MACROD2: variants seen among roughly 807,000 people sequenced by gnomAD.
MACROD2 encodes ADP-ribose glycohydrolase MACROD2.
In MACROD2, 36 loss-of-function variants were observed where a neutral mutation model predicts 70.4. The observed-to-expected ratio is 0.51, with a 90% CI of 0.39 to 0.68. MACROD2 has a LOEUF of 0.68. Ranked by LOEUF, MACROD2 falls within the 30% of genes least tolerant of loss-of-function variation. The pLI is 0.00. For missense variants in MACROD2, 496 were observed against 538.4 expected, an observed-to-expected ratio of 0.92 and a Z score of 0.78; for synonymous variants, 172 against 178.8, an observed-to-expected ratio of 0.96 and a Z score of 0.30.
chr20:14,307,886 C>T (rs2082534102), intron 3 of MACROD2, among the ~76,000 whole-genome samples: 1 of 152,020 alleles, frequency 6.6e-6, no homozygotes, highest in African/African-American at 2.4e-5. Flanking sequence ...GGTTATTTGT[C>T]ATGTCAGTTG....
intron 5 of MACROD2, among the ~76,000 whole-genome samples, chr20:14,875,687 CCA>C (rs1179168458): frequency 9.2e-5 from 14 of 152,128 alleles, no homozygotes; most frequent in African/African-American, 3.1e-4. Flanking sequence ...ATCTTTATGT[CCA>C]TGTGTGCCCA....
chr20:15,241,762 C>CAA (rs200361392), intron 6 of MACROD2, among the ~76,000 whole-genome samples: 1,125 of 92,572 alleles, frequency 0.012, 26 homozygotes, highest in South Asian at 0.1. Context: ...GTATTTCTCT[C>CAA]AAAAAAAAAA....
chr20:14,744,120 G>A (rs950168968), intron 5 of MACROD2, among the ~76,000 whole-genome samples: 1 of 152,120 alleles, frequency 6.6e-6, no homozygotes, highest in Non-Finnish European at 1.5e-5. Flanking sequence ...TAATAAATTC[G>A]TGTTGTTTTA....
intron 3 of MACROD2, among the ~76,000 whole-genome samples, chr20:14,288,056 A>T (rs2082358575): frequency 6.6e-6 from 1 of 151,994 alleles, no homozygotes; most frequent in Non-Finnish European, 1.5e-5. Context: ...AGAGGAAAGG[A>T]TTATACAAGG....
At chr20:15,027,668 A>G (rs1226797305) in intron 5 of MACROD2, among the ~76,000 whole-genome samples, 1 of 150,954 alleles carries the variant, frequency 6.6e-6, no homozygotes, top group Non-Finnish European at 1.5e-5. Context: ...GGAGCCCAGG[A>G]GTTCAATACC....
intron 8 of MACROD2, among the ~76,000 whole-genome samples, chr20:15,728,187 A>G (rs1487415860): frequency 6.6e-6 from 1 of 151,806 alleles, no homozygotes; most frequent in African/African-American, 2.4e-5. Context: ...AGTTTTGCTT[A>G]TGTAATGAAT....
rs73258717 is a variant in MACROD2, at chr20:14,556,638, T to C, written c.301+63130T>C. ...AATTTGATCCCGTCATTCCCATACATTGATACTGTTAGACTTGATGAGTTA... is the reference window on the plus strand; with the variant it reads ...AATTTGATCCCGTCATTCCCATACACTGATACTGTTAGACTTGATGAGTTA... On this transcript the variant is annotated intron_variant, in intron 4 of 17. Transcript: ENST00000684519. Among the ~76,000 whole-genome samples, 202 of 152,174 alleles carry C rather than the reference T, an allele frequency of 1.3e-3. 1 individual carries two copies. The highest frequency in any genetic ancestry group is 4.5e-3 in the African/African-American group (187 of 41,566).
intron 8 of MACROD2, among the ~76,000 whole-genome samples, chr20:15,557,982 T>G (rs533794099): frequency 1.3e-4 from 20 of 152,344 alleles, no homozygotes; most frequent in African/African-American, 4.8e-4. Context: ...AATGTGTGGC[T>G]ACTATATGTT....
intron 5 of MACROD2, among the ~76,000 whole-genome samples, chr20:15,015,475 GT>G (rs35022559): frequency 1.5e-3 from 206 of 138,494 alleles, no homozygotes; most frequent in Middle Eastern, 7.5e-3. Context: ...AACTATGTGT[GT>G]TTTTTTTTTT....
At chr20:14,489,975 C>T (rs2084776938) in intron 3 of MACROD2, among the ~76,000 whole-genome samples, 1 of 151,922 alleles carries the variant, frequency 6.6e-6, no homozygotes, top group Non-Finnish European at 1.5e-5. Context: ...ACTCTCCTGC[C>T]TCAGCCTCCC....
chr20:14,351,630 T>C (rs886960915), intron 3 of MACROD2, among the ~76,000 whole-genome samples: 2 of 152,170 alleles, frequency 1.3e-5, no homozygotes, highest in Non-Finnish European at 2.9e-5. Context: ...GTTCTAATAG[T>C]TTTTGGTGGA....
At chr20:14,355,522 G>C (rs2122705534) in intron 3 of MACROD2, among the ~76,000 whole-genome samples, 1 of 152,172 alleles carries the variant, frequency 6.6e-6, no homozygotes, top group South Asian at 2.1e-4. Flanking sequence ...ATAAAATACA[G>C]AATCAAGTTT....
chr20:14,915,837 G>A (rs116604471), intron 5 of MACROD2, among the ~76,000 whole-genome samples: 1,723 of 152,264 alleles, frequency 0.011, 30 homozygotes, highest in African/African-American at 0.039. Context: ...GTAGCTGCGA[G>A]TCATCATTCT....
intron 3 of MACROD2, among the ~76,000 whole-genome samples, chr20:14,369,056 A>G (rs1463108452): frequency 6.6e-6 from 1 of 152,186 alleles, no homozygotes. Context: ...AATGCTATAC[A>G]TGTCCTATTT....
At chr20:15,862,559 C>T (rs532415216) in intron 8 of MACROD2, among the ~76,000 whole-genome samples, 186 bp from the exon 9 acceptor site, 31 of 152,106 alleles carry the variant, frequency 2.0e-4, no homozygotes, top group African/African-American at 6.0e-4. Flanking sequence ...AGTACACACA[C>T]GCACACACAC....
At chr20:15,143,962 CA>C (rs11475638) in intron 5 of MACROD2, among the ~76,000 whole-genome samples, 14,830 of 97,206 alleles carry the variant, frequency 0.15, 956 homozygotes, top group East Asian at 0.38. Context: ...AAAAAAATCG[CA>C]AAAAAAAAAA....
intron 8 of MACROD2, among the ~76,000 whole-genome samples, chr20:15,672,469 C>T (rs1178126564): frequency 6.6e-6 from 1 of 151,906 alleles, no homozygotes; most frequent in African/African-American, 2.4e-5. Context: ...GTTTTTGTCA[C>T]CCCAAATCTG....
At chr20:14,860,500 A>G (rs1006024044) in intron 5 of MACROD2, among the ~76,000 whole-genome samples, 1 of 152,084 alleles carries the variant, frequency 6.6e-6, no homozygotes, top group African/African-American at 2.4e-5. Context: ...GGCAGAAAAC[A>G]CCGCTGCACC....
intron 5 of MACROD2, among the ~76,000 whole-genome samples, chr20:14,693,442 A>G (rs2071085823): frequency 6.6e-6 from 1 of 152,192 alleles, no homozygotes; most frequent in African/African-American, 2.4e-5. Context: ...TTATTGAAAT[A>G]AGTAGCAAAT....
Sources: allele counts gnomAD v4.1 joint callset (sites outside exome capture counted in the v4.1 genomes callset), GRCh38; gene constraint gnomAD v4.1.1; transcripts MANE v1.5; gene names NCBI Gene and HGNC (gene_info 2026-07-23, HGNC 2026-07-21).